The following ERC2 variants were observed in gnomAD, a reference collection of about 807,000 sequenced individuals.
The protein encoded by ERC2 is ELKS/RAB6-interacting/CAST family member 2.
A neutral mutation model predicts 114.8 loss-of-function variants in ERC2; 42 were observed. That is an observed-to-expected ratio of 0.37 (90% CI 0.29 to 0.47). The LOEUF (loss-of-function observed/expected upper bound fraction) is 0.47, where lower values mean the gene tolerates loss of function less well. Ranked by LOEUF, ERC2 falls within the 20% of genes least tolerant of loss-of-function variation. ERC2 has a pLI of 0.99. For missense variants in ERC2, 939 were observed against 1,150.7 expected (o/e 0.82, Z 2.66); for synonymous variants, 454 against 425.5 (o/e 1.07, Z -0.82).
intron 14 of ERC2, among the ~76,000 whole-genome samples, chr3:55,854,660 C>G (rs73834031): frequency 0.018 from 2,794 of 152,308 alleles, 95 homozygotes; most frequent in African/African-American, 0.064. Context: ...AGAGCCCTTC[C>G]TATTGCCAGG....
intron 14 of ERC2, among the ~76,000 whole-genome samples, chr3:55,789,144 C>T (rs1324626480): frequency 6.6e-6 from 1 of 152,212 alleles, no homozygotes; most frequent in Non-Finnish European, 1.5e-5. Flanking sequence ...CCTGAATATA[C>T]CAGCCTAAGG....
intron 3 of ERC2, among the ~76,000 whole-genome samples, chr3:56,259,674 GAT>G (rs2052780558): frequency 6.6e-6 from 1 of 151,868 alleles, no homozygotes; most frequent in Non-Finnish European, 1.5e-5. Context: ...GATATGATAT[GAT>G]ATGATATGAT....
chr3:55,635,810 A>G (rs1477130281), intron 17 of ERC2, among the ~76,000 whole-genome samples: 1 of 152,086 alleles, frequency 6.6e-6, no homozygotes, highest in Non-Finnish European at 1.5e-5. Flanking sequence ...TCACTCATCC[A>G]TCACTTTAAA....
At chr3:55,532,514 GA>G (rs2053734467) in intron 17 of ERC2, among the ~76,000 whole-genome samples, 1 of 152,178 alleles carries the variant, frequency 6.6e-6, no homozygotes, top group Non-Finnish European at 1.5e-5. Context: ...GATACTTTTT[GA>G]GCATGAACCA....
At chr3:55,695,734 C>T (rs1452483264) in intron 16 of ERC2, among the ~76,000 whole-genome samples, 1 of 152,160 alleles carries the variant, frequency 6.6e-6, no homozygotes, top group Non-Finnish European at 1.5e-5. Context: ...ATAAAAAATA[C>T]TGCTGGAAAC....
intron 14 of ERC2, among the ~76,000 whole-genome samples, chr3:55,749,704 G>A (rs1575476666): frequency 6.6e-6 from 1 of 152,270 alleles, no homozygotes; most frequent in East Asian, 1.9e-4. Flanking sequence ...AACATGGGCG[G>A]GGACAATAAG....
At chr3:55,659,617 C>T (rs1286954270) in intron 17 of ERC2, among the ~76,000 whole-genome samples, 3 of 152,166 alleles carry the variant, frequency 2.0e-5, no homozygotes, top group Non-Finnish European at 2.9e-5. Flanking sequence ...CATGCCACTG[C>T]TCAGCCTTTT....
At chr3:56,073,107 G>A (rs2076817259) in intron 7 of ERC2, among the ~76,000 whole-genome samples, 1 of 152,144 alleles carries the variant, frequency 6.6e-6, no homozygotes, top group African/African-American at 2.4e-5. Context: ...AACTCTGTAA[G>A]CTGCCTAAAA....
intron 13 of ERC2, among the ~76,000 whole-genome samples, chr3:55,896,044 T>C (rs898079299): frequency 3.9e-5 from 6 of 152,156 alleles, no homozygotes; most frequent in Non-Finnish European, 8.8e-5. Flanking sequence ...TCTGCGCTGG[T>C]ATAGAAGCAT....
intron 2 of ERC2, among the ~76,000 whole-genome samples, chr3:56,396,814 G>T (rs891805607): frequency 3.3e-5 from 5 of 152,110 alleles, no homozygotes; most frequent in Non-Finnish European, 7.4e-5. Context: ...ATGGGGAGGA[G>T]GGTGGACAGG....
intron 17 of ERC2, among the ~76,000 whole-genome samples, chr3:55,538,450 G>A (rs17263206): frequency 0.021 from 3,130 of 152,334 alleles, 65 homozygotes; most frequent in Middle Eastern, 0.065. Flanking sequence ...ATGCCGAGAA[G>A]GTGCTGAGTC....
At chr3:55,883,994 G>C (rs2063246458) in intron 14 of ERC2, among the ~76,000 whole-genome samples, 2 of 152,062 alleles carry the variant, frequency 1.3e-5, no homozygotes, top group South Asian at 4.1e-4. Flanking sequence ...TTTGAAGAAG[G>C]CTGGTAGATT....
At chr3:56,286,661 C>T (rs2054739679) in intron 3 of ERC2, among the ~76,000 whole-genome samples, 1 of 151,984 alleles carries the variant, frequency 6.6e-6, no homozygotes, top group African/African-American at 2.4e-5. Context: ...ATACTTTAGG[C>T]TTTGTGGACC....
rs149982344 is a variant in ERC2 at position 56,407,135 on chromosome 3, G to A, written c.657+27216C>T. Among the ~76,000 whole-genome samples the A allele has an allele frequency of 7.0e-4, 107 of 152,216 alleles. 1 individual carries two copies. Among genetic ancestry groups the A allele is most frequent in the African/African-American group, 2.4e-3 (98 of 41,542 alleles). On this transcript the variant is annotated intron_variant, in intron 2 of 17. Transcript: ENST00000288221. Reference sequence around the variant, plus strand: ...AGACTATTCCAGAGGAACCCAAACCGCTAATCTCGCTACTCCCAACAACTT... The same window carrying A: ...AGACTATTCCAGAGGAACCCAAACCACTAATCTCGCTACTCCCAACAACTT...
At chr3:55,996,289 T>C (rs1164503721) in intron 10 of ERC2, among the ~76,000 whole-genome samples, 1 of 152,174 alleles carries the variant, frequency 6.6e-6, no homozygotes, top group Non-Finnish European at 1.5e-5. Context: ...AAAACACAAA[T>C]TGGTGTGAGT....
At chr3:55,777,835 G>A (rs9834489) in intron 14 of ERC2, among the ~76,000 whole-genome samples, 9,316 of 152,088 alleles carry the variant, frequency 0.061, 426 homozygotes, top group African/African-American at 0.13. Context: ...TCAGAATACT[G>A]TGCCCATTTA....
At chr3:56,073,067 T>G (rs1160654284) in intron 7 of ERC2, among the ~76,000 whole-genome samples, 1 of 152,222 alleles carries the variant, frequency 6.6e-6, no homozygotes, top group Non-Finnish European at 1.5e-5. Flanking sequence ...CACACTCATG[T>G]GCACACACAC....
chr3:55,592,779 A>G (rs2057955503), intron 17 of ERC2, among the ~76,000 whole-genome samples: 2 of 152,208 alleles, frequency 1.3e-5, no homozygotes, highest in Non-Finnish European at 2.9e-5. Context: ...AGCTCTAGGT[A>G]GTTAAAACAG....
chr3:55,753,729 C>T (rs552387345), intron 14 of ERC2, among the ~76,000 whole-genome samples: 1 of 152,282 alleles, frequency 6.6e-6, no homozygotes, highest in Admixed American at 6.5e-5. Context: ...TTTCCTTTTC[C>T]AGTGGTTCAT....
Sources: gnomAD v4.1 joint callset for allele counts (sites outside exome capture counted in the v4.1 genomes callset) on GRCh38, gnomAD v4.1.1 for gene constraint, MANE v1.5 for transcripts, NCBI Gene and HGNC (gene_info 2026-07-23, HGNC 2026-07-21) for gene names.